The following SLC9B1 variants were observed in gnomAD, a reference collection of about 807,000 sequenced individuals.
SLC9B1 encodes sodium/hydrogen exchanger 9B1.
Under a neutral mutation model 51.7 loss-of-function variants are expected in SLC9B1, and 32 were observed. The observed-to-expected ratio is 0.62, with a 90% confidence interval of 0.47 to 0.83. The LOEUF (loss-of-function observed/expected upper bound fraction) is 0.83, where lower values mean the gene tolerates loss of function less well. Among genes scored for constraint, SLC9B1 ranks in the 40% least tolerant of loss-of-function variants. The pLI, the probability that SLC9B1 is intolerant of heterozygous loss-of-function variation, is 0.00. For synonymous variants in SLC9B1, 145 were observed against 212.7 expected (o/e 0.68, Z 2.77); for missense variants, 406 against 613.2 (o/e 0.66, Z 3.57).
intron 3 of SLC9B1, among the ~76,000 whole-genome samples, chr4:102,976,176 C>T (rs915911599): frequency 4.6e-5 from 7 of 152,228 alleles, no homozygotes; most frequent in Admixed American, 3.9e-4. Flanking sequence ...CAGAAACGTT[C>T]ACTGGATTTG....
At chr4:102,944,538 A>C (rs942059760) in intron 6 of SLC9B1, among the ~76,000 whole-genome samples, 1 of 152,266 alleles carries the variant, frequency 6.6e-6, no homozygotes, top group Non-Finnish European at 1.5e-5. Context: ...ATAAACATTA[A>C]TTTAAGAATT....
chr4:102,990,061 GATAC>G, intron 2 of SLC9B1, 120 bp from the exon 3 acceptor site: 1 of 807,826 alleles, frequency 1.2e-6, no homozygotes, highest in Non-Finnish European at 1.9e-6. Context: ...AGGAATCACA[GATAC>G]AAAAGAAGAT....
intron 3 of SLC9B1, among the ~76,000 whole-genome samples, chr4:102,965,538 C>G (rs1048846180): frequency 1.3e-5 from 2 of 152,160 alleles, no homozygotes; most frequent in Non-Finnish European, 2.9e-5. Flanking sequence ...CCCCATGACC[C>G]AAGCATCTCC....
chr4:102,918,455 A>T (rs1735697924), intron 7 of SLC9B1, among the ~76,000 whole-genome samples: 1 of 152,260 alleles, frequency 6.6e-6, no homozygotes, highest in African/African-American at 2.4e-5. Flanking sequence ...TCTAAAATAT[A>T]TACAGAACAA....
intron 7 of SLC9B1, among the ~76,000 whole-genome samples, chr4:102,923,560 C>A (rs6533035): frequency 0.54 from 82,446 of 151,734 alleles, 22,900 homozygotes; most frequent in African/African-American, 0.68. Flanking sequence ...AAGTTCTGGC[C>A]AGGGCAATCA....
chr4:102,974,015 T>C (rs1422325912), intron 3 of SLC9B1, among the ~76,000 whole-genome samples: 1 of 151,818 alleles, frequency 6.6e-6, no homozygotes, highest in Non-Finnish European at 1.5e-5. Flanking sequence ...GCGGGCGGAT[T>C]ACCTGAGGTC....
At chr4:102,967,138 C>A (rs146797255) in intron 3 of SLC9B1, among the ~76,000 whole-genome samples, 4,212 of 152,242 alleles carry the variant, frequency 0.028, 152 homozygotes, top group African/African-American at 0.092. Flanking sequence ...TTTTTATCAG[C>A]ATTGTGGTAA....
chr4:103,007,661 G>A (rs1359241952), intron 1 of SLC9B1, among the ~76,000 whole-genome samples: 1 of 149,946 alleles, frequency 6.7e-6, no homozygotes, highest in Non-Finnish European at 1.5e-5. Flanking sequence ...CTGGAGTGCG[G>A]TGGTGTGATC....
At chr4:102,903,040 T>TAATAAATAATCA (rs1158370404) in intron 11 of SLC9B1, among the ~76,000 whole-genome samples, 1 of 152,228 alleles carries the variant, frequency 6.6e-6, no homozygotes, top group Non-Finnish European at 1.5e-5. Context: ...CTTGTATAAA[T>TAATAAATAATCA]AATTAATTTT....
chr4:102,945,677 A>T (rs1212431432), intron 5 of SLC9B1, among the ~76,000 whole-genome samples: 2 of 152,138 alleles, frequency 1.3e-5, no homozygotes, highest in Non-Finnish European at 2.9e-5. Flanking sequence ...TGTTTGATTA[A>T]CTTAATAAGT....
At chr4:102,984,671 G>C (rs1578401049) in intron 3 of SLC9B1, among the ~76,000 whole-genome samples, 1 of 152,098 alleles carries the variant, frequency 6.6e-6, no homozygotes, top group East Asian at 1.9e-4. Context: ...TTGCTCTTTT[G>C]GGATGAAGTA....
At chr4:102,985,111 G>A (rs968610334) in intron 3 of SLC9B1, among the ~76,000 whole-genome samples, 2 of 152,158 alleles carry the variant, frequency 1.3e-5, no homozygotes, top group Non-Finnish European at 2.9e-5. Flanking sequence ...ATTGCTGGAA[G>A]TCTGCTGTCT....
At chr4:102,994,425 T>A (rs1488073935) in intron 1 of SLC9B1, among the ~76,000 whole-genome samples, 2 of 152,310 alleles carry the variant, frequency 1.3e-5, no homozygotes, top group Admixed American at 1.3e-4. Flanking sequence ...CATATCACCA[T>A]CAGCATTTTG....
Position 102,949,398 on chromosome 4 carries a change from T to A in SLC9B1, c.241A>T (p.Thr81Ser), listed in dbSNP as rs754021958. ...GCTTCAGAGCCTAAGATTGACCAGGTCATACACCATATCACAAACAGTATA... is the reference window on the plus strand; with the variant it reads ...GCTTCAGAGCCTAAGATTGACCAGGACATACACCATATCACAAACAGTATA... ...GVILFVIWCM[T>S]WSILGSEALP... The change falls in exon 4 of 12, where the codon ACC becomes TCC. Residue 81 changes from threonine (T) to serine (S), a missense_variant. Physicochemically the swap from Thr to Ser is moderately conservative, Grantham distance 58 (BLOSUM62 1). Transcript: ENST00000296422. 2 of 1,601,292 alleles carry A rather than the reference T, an allele frequency of 1.2e-6. No homozygotes were observed. Among genetic ancestry groups the A allele is most frequent in the South Asian group, 2.3e-5 (2 of 88,362 alleles).
intron 3 of SLC9B1, chr4:102,963,298 C>A (rs921158439): frequency 6.6e-5 from 20 of 304,438 alleles, no homozygotes; most frequent in African/African-American, 4.1e-4. Flanking sequence ...CAGCATCTGC[C>A]ACCACAGCCT....
At chr4:102,979,669 G>A (rs1739252515) in intron 3 of SLC9B1, among the ~76,000 whole-genome samples, 1 of 152,160 alleles carries the variant, frequency 6.6e-6, no homozygotes, top group Non-Finnish European at 1.5e-5. Flanking sequence ...CTTAGTGTCT[G>A]TTCTCTACTG....
chr4:102,954,366 C>T (rs1391992441), intron 3 of SLC9B1, among the ~76,000 whole-genome samples: 1 of 81,142 alleles, frequency 1.2e-5, no homozygotes, highest in Non-Finnish European at 2.3e-5. Context: ...CTGCTGGATT[C>T]GGTTTGCCAG....
chr4:102,987,875 C>A (rs936661211), intron 3 of SLC9B1, among the ~76,000 whole-genome samples: 5 of 152,072 alleles, frequency 3.3e-5, no homozygotes. Context: ...TTTTGGGCAG[C>A]AGTTTGCCCT....
intron 7 of SLC9B1, among the ~76,000 whole-genome samples, chr4:102,922,148 C>G (rs1271308803): frequency 6.6e-6 from 1 of 152,116 alleles, no homozygotes; most frequent in Non-Finnish European, 1.5e-5. Context: ...TAAAATTGAC[C>G]ACATAATTGG....
Sources: gnomAD v4.1 joint callset for allele counts (sites outside exome capture counted in the v4.1 genomes callset) on GRCh38, gnomAD v4.1.1 for gene constraint, MANE v1.5 for transcripts, NCBI Gene and HGNC (gene_info 2026-07-23, HGNC 2026-07-21) for gene names.